The following HAS3 variants were observed in gnomAD, a reference collection of about 807,000 sequenced individuals.
HAS3 encodes the protein HA synthase 3.
Under a neutral mutation model 50.3 loss-of-function variants are expected in HAS3, and 27 were observed. The ratio of observed to expected loss-of-function variants is 0.54; its 90% CI spans 0.40 to 0.74. The LOEUF is 0.74. Ranked by LOEUF, HAS3 falls within the 30% of genes least tolerant of loss-of-function variation. The pLI is 0.00. For synonymous variants in HAS3, 339 were observed against 310.9 expected (o/e 1.09, Z -0.95); for missense variants, 517 against 742.8 (o/e 0.70, Z 3.53).
At position 69,116,051 on chromosome 16, in the gene HAS3, CTG is replaced by C. The variant is rs1961168183; in HGVS notation, c.*788_*789del. On this transcript the variant is annotated 3_prime_UTR_variant, in exon 4 of 4. Transcript: ENST00000569188. ...ACGTCTAGATGGGTTCTTAGCTTGTCTGTGATCTCTGCTGGGGAGATAAAAAG... is the reference window on the plus strand; with the variant it reads ...ACGTCTAGATGGGTTCTTAGCTTGTCTGATCTCTGCTGGGGAGATAAAAAG... 1 of 985,620 alleles carries C rather than the reference CTG, an allele frequency of 1.0e-6. No homozygotes were observed. The highest frequency in any genetic ancestry group is 1.2e-6 in the Non-Finnish European group (1 of 829,814). 61.1% of individuals were successfully genotyped at this position (985,620 alleles called of 1,614,324 possible).
chr16:69,087,336 C>A, the HAS3 span, among the ~76,000 whole-genome samples: 1 of 152,260 alleles, frequency 6.6e-6, no homozygotes, highest in African/African-American at 2.4e-5. Context: ...TCTGCCCAAG[C>A]TTCAACTGCT....
intron 1 of HAS3, among the ~76,000 whole-genome samples, chr16:69,108,005 A>G (rs1960865415): frequency 6.6e-6 from 1 of 152,170 alleles, no homozygotes; most frequent in Non-Finnish European, 1.5e-5. Flanking sequence ...CCGACAGGAA[A>G]GTGTGTTTGT....
In HAS3 at chr16:69,117,313, A is replaced by G. The variant is rs1352696377; in HGVS notation, c.*2047A>G. The G allele has an allele frequency of 1.0e-6, 1 of 985,736 alleles. No homozygotes were observed. Among genetic ancestry groups the G allele is most frequent in the African/African-American group, 1.7e-5 (1 of 57,234 alleles). 61.1% of individuals were successfully genotyped at this position (985,736 alleles called of 1,614,324 possible). A position where few individuals can be genotyped will look rare whatever the true frequency, so the allele number is the denominator to read the frequency against. On this transcript the variant is annotated 3_prime_UTR_variant, in exon 4 of 4. Coordinates refer to ENST00000569188, the MANE Select transcript of HAS3 (RefSeq NM_001199280.2). ...TGTCCTACCATCAGCTCTGCCTTGC[A>G]CTGTGGTCGTCAACTTTCCTCAAAT... is the stretch of plus-strand genomic sequence containing the variant.
In HAS3 at chr16:69,115,445, G is replaced by A; in HGVS notation, c.*179G>A. 1 of 1,331,918 alleles carries A rather than the reference G, an allele frequency of 7.5e-7. No individual in the cohort carries two copies. Among genetic ancestry groups the A allele is most frequent in the South Asian group, 2.5e-5 (1 of 40,782 alleles). 82.5% of individuals were successfully genotyped at this position (1,331,918 alleles called of 1,614,324 possible). A position where few individuals can be genotyped will look rare whatever the true frequency, so the allele number is the denominator to read the frequency against. ...GTATGGCCTGACAGCTCTGTTTAGA[G>A]GAGGCAACACTGATCCCCCAGATGC... is the stretch of plus-strand genomic sequence containing the variant. On this transcript the variant is annotated 3_prime_UTR_variant, in exon 4 of 4. Coordinates refer to ENST00000569188, the MANE Select transcript of HAS3 (RefSeq NM_001199280.2).
At chr16:69,098,229 G>T in the HAS3 span, among the ~76,000 whole-genome samples, 1 of 152,174 alleles carries the variant, frequency 6.6e-6, no homozygotes, top group African/African-American at 2.4e-5. Flanking sequence ...AAATTAGCTG[G>T]GCATGGTGGC....
rs1207440451 is a variant in HAS3 at position 69,106,589 on chromosome 16, C to G, written c.-1+802C>G. 2 of 152,406 alleles carry G rather than the reference C, an allele frequency of 1.3e-5. No homozygotes were observed. The highest frequency in any genetic ancestry group is 2.9e-5 in the Non-Finnish European group (2 of 68,208). The allele number at this position is 152,406 out of a possible 1,614,324, so 9.4% of individuals were successfully genotyped here. On this transcript the variant is annotated intron_variant, in intron 1 of 3. Transcript: ENST00000569188. This position sits in a 1 kb window ranked among gnomAD's most constrained non-coding sequence, Gnocchi z 5.5. ...TCTTCCAGCCTCGCCTCCCTCCTCC[C>G]CGGCGGCTCCTGTTTTGTGAATGAA...
chr16:69,103,599 G>T (rs1438634060), upstream of HAS3, among the ~76,000 whole-genome samples: 1 of 152,026 alleles, frequency 6.6e-6, no homozygotes, highest in Admixed American at 6.6e-5. Flanking sequence ...GTTTCACCAT[G>T]TTGGCCAGGC....
chr16:69,117,735 A>G, downstream of HAS3: 1 of 743,146 alleles, frequency 1.3e-6, no homozygotes, highest in Non-Finnish European at 1.6e-6. Context: ...TTAAAATAGA[A>G]AGTTTAGTCA....
At chr16:69,112,670 A>C (rs907397102) in intron 2 of HAS3, among the ~76,000 whole-genome samples, 1 of 152,170 alleles carries the variant, frequency 6.6e-6, no homozygotes, top group Non-Finnish European at 1.5e-5. Flanking sequence ...CCACTTCACT[A>C]ATTTTTTAGA....
chr16:69,117,875 A>G (rs1354427153), downstream of HAS3: 1 of 172,290 alleles, frequency 5.8e-6, no homozygotes, highest in Non-Finnish European at 1.3e-5. Flanking sequence ...AAGACTAAAA[A>G]CCAAAGCTTG....
intron 2 of HAS3, 142 bp from the exon 3 acceptor site, chr16:69,113,299 C>T (rs1159751711): frequency 2.9e-6 from 2 of 690,288 alleles, no homozygotes; most frequent in African/African-American, 1.7e-5. Flanking sequence ...TCTGGTAGCG[C>T]AGATCTCTTA....
At chr16:69,089,552 C>T in the HAS3 span, among the ~76,000 whole-genome samples, 1 of 152,210 alleles carries the variant, frequency 6.6e-6, no homozygotes. Context: ...GTGCGCGGCA[C>T]CTCTGCCTGC....
chr16:69,111,115 G>A (rs1237742809), intron 2 of HAS3, among the ~76,000 whole-genome samples: 1 of 137,160 alleles, frequency 7.3e-6, no homozygotes, highest in Admixed American at 7.4e-5. Flanking sequence ...ACATCTTTCA[G>A]TACAAAGTAG....
chr16:69,087,248 C>T, the HAS3 span, among the ~76,000 whole-genome samples: 1 of 152,234 alleles, frequency 6.6e-6, no homozygotes, highest in Non-Finnish European at 1.5e-5. Context: ...ATCCACCACC[C>T]CCTTGCTCTA....
intron 2 of HAS3, among the ~76,000 whole-genome samples, chr16:69,110,937 G>A (rs777004029): frequency 1.3e-5 from 2 of 152,148 alleles, no homozygotes; most frequent in Non-Finnish European, 2.9e-5. Context: ...ACACAGGTGC[G>A]AATGACTAGC....
rs1960788909 is a variant in HAS3 at position 69,106,284 on chromosome 16, G to T, written c.-1+497G>T. 6.7e-6 allele frequency: 1 copy of T among 150,298 alleles called. No homozygotes were observed. The highest frequency in any genetic ancestry group is 2.1e-4 in the South Asian group (1 of 4,830). 9.3% of individuals were successfully genotyped at this position (150,298 alleles called of 1,614,324 possible). On this transcript the variant is annotated intron_variant, in intron 1 of 3. Coordinates refer to ENST00000569188, the MANE Select transcript of HAS3 (RefSeq NM_001199280.2). This position sits in a 1 kb window ranked among gnomAD's most constrained non-coding sequence, Gnocchi z 5.5. ...AGGGGCATGGAGCCGCCGCGGGCCT[G>T]CTGAGCTCCGGAGCGCGGCAGCCGG...
intron 1 of HAS3, among the ~76,000 whole-genome samples, chr16:69,108,098 T>C (rs893504583): frequency 1.3e-5 from 2 of 152,264 alleles, no homozygotes. Flanking sequence ...TCAGTGAACA[T>C]GGGGTTCTCT....
the HAS3 span, among the ~76,000 whole-genome samples, chr16:69,092,206 A>C: frequency 5.3e-5 from 8 of 152,212 alleles, no homozygotes; most frequent in Admixed American, 5.2e-4. Context: ...GGACCCAAGC[A>C]GTCTGGCTCC....
the HAS3 span, among the ~76,000 whole-genome samples, chr16:69,091,798 T>C: frequency 6.6e-6 from 1 of 152,182 alleles, no homozygotes; most frequent in Non-Finnish European, 1.5e-5. Flanking sequence ...TGCAGGTCTA[T>C]TTAAAAGAGG....
Sources: gnomAD v4.1 joint callset for allele counts (sites outside exome capture counted in the v4.1 genomes callset) on GRCh38, gnomAD v4.1.1 for gene constraint, Gnocchi (gnomAD v3.1) non-coding constraint, MANE v1.5 for transcripts, NCBI Gene and HGNC (gene_info 2026-07-23, HGNC 2026-07-21) for gene names.